The following CAST variants were observed in gnomAD, a reference collection of about 807,000 sequenced individuals.
The protein encoded by CAST is calpastatin, also known as MIR583 host.
In CAST, 76 loss-of-function variants were observed where a neutral mutation model predicts 119.6. That is an observed-to-expected ratio of 0.64 (90% CI 0.53 to 0.77). The LOEUF is 0.77. Ranked by LOEUF, CAST falls within the 30% of genes least tolerant of loss-of-function variation. CAST has a pLI of 0.00. For synonymous variants in CAST, 319 were observed against 331.6 expected (o/e 0.96, Z 0.41); for missense variants, 953 against 946.5 (o/e 1.01, Z -0.09).
chr5:96,746,323 T>C lies in CAST; in HGVS notation c.1201-19T>C, dbSNP rs768833322. On this transcript the variant is annotated intron_variant, in intron 16 of 31. Coordinates refer to ENST00000675179, the MANE Select transcript of CAST (RefSeq NM_001750.7). Reference sequence around the variant, plus strand: ...GTGCATTATCCAACTACTTTTTTTTTCCCCTCCATTTTCATCAGGCAAAAG... The same window carrying C: ...GTGCATTATCCAACTACTTTTTTTTCCCCCTCCATTTTCATCAGGCAAAAG... 2.8e-5 allele frequency: 41 copies of C among 1,453,084 alleles called. No individual in the cohort carries two copies. The highest frequency in any genetic ancestry group is 6.8e-5 in the South Asian group (6 of 87,646). The allele number at this position is 1,453,084 out of a possible 1,614,324, so 90.0% of individuals were successfully genotyped here. A position where few individuals can be genotyped will look rare whatever the true frequency, so the allele number is the denominator to read the frequency against.
At chr5:96,746,494 C>T in intron 17 of CAST, 69 bp downstream of exon 17, 1 of 904,258 alleles carries the variant, frequency 1.1e-6, no homozygotes. Flanking sequence ...GTATCTGTAC[C>T]CTTGACATTG....
chr5:96,400,921 A>T, the CAST span, among the ~76,000 whole-genome samples: 4 of 151,370 alleles, frequency 2.6e-5, no homozygotes, highest in African/African-American at 4.9e-5. Context: ...CCCCGTCTCT[A>T]CTAAAAATAC....
the CAST span, among the ~76,000 whole-genome samples, chr5:96,312,794 C>G: frequency 6.6e-6 from 1 of 152,094 alleles, no homozygotes; most frequent in Non-Finnish European, 1.5e-5. Context: ...CCTAAGTGTT[C>G]TCTTTTTACT....
At chr5:96,399,077 A>T in the CAST span, 1 of 1,486,516 alleles carries the variant, frequency 6.7e-7, no homozygotes, top group Non-Finnish European at 9.3e-7. Flanking sequence ...AAGTATATCC[A>T]AACTTCCTTG....
intron 3 of CAST, 121 bp from the exon 4 acceptor site, chr5:96,722,518 C>T: frequency 1.4e-6 from 1 of 717,684 alleles, no homozygotes. Context: ...GATTTTTGTG[C>T]TCTAAACTGG....
At chr5:96,014,746 A>G in the CAST span, among the ~76,000 whole-genome samples, 1 of 152,196 alleles carries the variant, frequency 6.6e-6, no homozygotes, top group Non-Finnish European at 1.5e-5. Context: ...GGTTGGGGGT[A>G]GGAGAAGAGA....
the CAST span, among the ~76,000 whole-genome samples, chr5:95,984,627 A>G: frequency 6.6e-6 from 1 of 152,214 alleles, no homozygotes; most frequent in East Asian, 1.9e-4. Flanking sequence ...AACAAATAAT[A>G]ATCAATAATA....
At chr5:96,604,708 G>A (rs1747219206) in intron 1 of CAST, among the ~76,000 whole-genome samples, 1 of 152,210 alleles carries the variant, frequency 6.6e-6, no homozygotes, top group Admixed American at 6.5e-5. Flanking sequence ...ATTTGGGGCT[G>A]ATGCAAAAAT....
the CAST span, among the ~76,000 whole-genome samples, chr5:96,478,445 T>A: frequency 6.6e-6 from 1 of 152,232 alleles, no homozygotes; most frequent in African/African-American, 2.4e-5. Flanking sequence ...AAATACCCAA[T>A]TATTTGTTTC....
At chr5:96,697,335 G>A (rs957485431) in intron 3 of CAST, among the ~76,000 whole-genome samples, 2 of 151,866 alleles carry the variant, frequency 1.3e-5, no homozygotes, top group Non-Finnish European at 2.9e-5. Flanking sequence ...ATGGAAGTCA[G>A]ACTTTCTCAT....
At chr5:96,236,124 T>G in the CAST span, among the ~76,000 whole-genome samples, 1 of 98,190 alleles carries the variant, frequency 1.0e-5, no homozygotes, top group Non-Finnish European at 2.7e-5. Flanking sequence ...TATCTATCTA[T>G]CTCTCTATCT....
the CAST span, chr5:95,964,992 C>T: frequency 1.3e-5 from 2 of 151,504 alleles, no homozygotes; most frequent in African/African-American, 4.9e-5. Context: ...TGCTGGGCCA[C>T]CCCTCATTCC....
the CAST span, among the ~76,000 whole-genome samples, chr5:96,053,503 G>C: frequency 1.3e-5 from 2 of 152,178 alleles, no homozygotes; most frequent in Admixed American, 1.3e-4. Flanking sequence ...CCTGGTGCAA[G>C]ATGAATAGAA....
At chr5:96,434,260 C>T in the CAST span, 1 of 152,226 alleles carries the variant, frequency 6.6e-6, no homozygotes, top group African/African-American at 2.4e-5. Context: ...ATGGTGGAGC[C>T]TATTCGAACC....
the CAST span, among the ~76,000 whole-genome samples, chr5:96,160,799 C>T: frequency 6.6e-6 from 1 of 152,106 alleles, no homozygotes; most frequent in Non-Finnish European, 1.5e-5. Context: ...TAATATTCAC[C>T]CTACTGGGTG....
chr5:96,433,075 G>A, the CAST span: 3 of 1,605,794 alleles, frequency 1.9e-6, no homozygotes, highest in African/African-American at 4.0e-5. Context: ...AGAGTGGGAA[G>A]GGAAGAGGAA....
the CAST span, among the ~76,000 whole-genome samples, chr5:95,988,389 G>C: frequency 2.0e-5 from 3 of 152,144 alleles, no homozygotes; most frequent in African/African-American, 7.2e-5. Flanking sequence ...GTGTGCGTGA[G>C]TGTGTGTGAT....
In CAST at chr5:96,662,509, T is replaced by C; in HGVS notation, c.75+12T>C. 7.3e-7 allele frequency: 1 copy of C among 1,376,602 alleles called. No individual in the cohort carries two copies. Among genetic ancestry groups the C allele is most frequent in the Non-Finnish European group, 9.3e-7 (1 of 1,072,340 alleles). The allele number at this position is 1,376,602 out of a possible 1,614,324, so 85.3% of individuals were successfully genotyped here. On this transcript the variant is annotated intron_variant, in intron 1 of 31. Transcript: ENST00000675179. ...GCCGCACCCATGAGGTGAGTGGCGC[T>C]CCTGTCGGCGTCGCGGGGCTGGGCG...
At chr5:96,607,169 T>A (rs925094025) in intron 1 of CAST, among the ~76,000 whole-genome samples, 23 of 152,046 alleles carry the variant, frequency 1.5e-4, no homozygotes, top group African/African-American at 5.6e-4. Flanking sequence ...GCGCCTGTAG[T>A]CCCAGCTACT....
Sources: gnomAD v4.1 joint callset for allele counts (sites outside exome capture counted in the v4.1 genomes callset) on GRCh38, gnomAD v4.1.1 for gene constraint, MANE v1.5 for transcripts, NCBI Gene and HGNC (gene_info 2026-07-23, HGNC 2026-07-21) for gene names.